The following DAB1 variants were observed in gnomAD, a reference collection of about 807,000 sequenced individuals.
The protein encoded by DAB1 is disabled homolog 1.
In DAB1, 15 loss-of-function variants were observed where a neutral mutation model predicts 64.6. The observed-to-expected ratio is 0.23, with a 90% CI of 0.16 to 0.36. DAB1 has a LOEUF of 0.36. Ranked by LOEUF, DAB1 falls within the 10% of genes least tolerant of loss-of-function variation. The probability of loss-of-function intolerance (pLI) is 1.00; values close to 1 mark genes in which losing one functional copy is unlikely to be tolerated. For missense variants in DAB1, 596 were observed against 706.7 expected (o/e 0.84, Z 1.78); for synonymous variants, 235 against 251.9 (o/e 0.93, Z 0.64).
intron 5 of DAB1, among the ~76,000 whole-genome samples, chr1:58,142,874 A>G (rs988699782): frequency 6.6e-6 from 1 of 152,166 alleles, no homozygotes; most frequent in African/African-American, 2.4e-5. Context: ...TCTGATTTTT[A>G]TAAGAATCAG....
chr1:58,148,519 T>A (rs555389129), intron 5 of DAB1, among the ~76,000 whole-genome samples: 1 of 152,330 alleles, frequency 6.6e-6, no homozygotes, highest in South Asian at 2.1e-4. Flanking sequence ...TTCCTTTCGA[T>A]CATTGTATTA....
At chr1:57,130,459 C>T (rs972605074) in intron 4 of DAB1, among the ~76,000 whole-genome samples, 1 of 152,074 alleles carries the variant, frequency 6.6e-6, no homozygotes, top group African/African-American at 2.4e-5. Context: ...ATCTGCACTC[C>T]CATGTTCACT....
chr1:57,332,782 T>A (rs571754073), intron 1 of DAB1, among the ~76,000 whole-genome samples: 1 of 152,324 alleles, frequency 6.6e-6, no homozygotes, highest in East Asian at 1.9e-4. Flanking sequence ...CAAGGTCACA[T>A]GGCCAATTTC....
intron 4 of DAB1, among the ~76,000 whole-genome samples, chr1:58,202,046 C>T (rs1016699274): frequency 2.0e-5 from 3 of 152,288 alleles, no homozygotes; most frequent in Admixed American, 6.5e-5. Context: ...ACAACAATCC[C>T]ACCCACCTCA....
intron 1 of DAB1, among the ~76,000 whole-genome samples, chr1:57,377,260 A>T (rs1680974441): frequency 7.0e-6 from 1 of 142,596 alleles, no homozygotes; most frequent in African/African-American, 2.6e-5. Context: ...ACAGAGTGAG[A>T]CTCCATCTTA....
chr1:58,038,605 A>G (rs1391338248), intron 5 of DAB1, among the ~76,000 whole-genome samples: 2 of 152,020 alleles, frequency 1.3e-5, no homozygotes, highest in East Asian at 3.9e-4. Flanking sequence ...AAAGCATGCA[A>G]CTGGCACTTA....
chr1:57,328,934 A>T (rs182551303), intron 1 of DAB1, among the ~76,000 whole-genome samples: 1 of 152,370 alleles, frequency 6.6e-6, no homozygotes, highest in East Asian at 1.9e-4. Context: ...TCGTAGTAGT[A>T]TTAATCTACA....
intron 1 of DAB1, chr1:57,386,997 G>A (rs1681924510): frequency 6.6e-6 from 1 of 152,030 alleles, no homozygotes; most frequent in African/African-American, 2.4e-5. Flanking sequence ...ACTCTCAGCA[G>A]TGGAATCAGC....
At chr1:57,128,480 C>T (rs1366288653) in intron 4 of DAB1, among the ~76,000 whole-genome samples, 1 of 152,160 alleles carries the variant, frequency 6.6e-6, no homozygotes, top group East Asian at 1.9e-4. Flanking sequence ...CATTTGTTTA[C>T]ATATCATGTG....
intron 1 of DAB1, among the ~76,000 whole-genome samples, chr1:57,295,258 C>G (rs1340163015): frequency 6.6e-6 from 1 of 152,124 alleles, no homozygotes; most frequent in Non-Finnish European, 1.5e-5. Flanking sequence ...CCCCTCCCAA[C>G]CTGATATGAG....
At chr1:57,223,406 T>C (rs559636036) in intron 2 of DAB1, among the ~76,000 whole-genome samples, 273 of 152,192 alleles carry the variant, frequency 1.8e-3, no homozygotes, top group Non-Finnish European at 3.0e-3. Context: ...AGTTCTAGAG[T>C]TGAAAACTTA....
intron 7 of DAB1, among the ~76,000 whole-genome samples, chr1:57,458,701 CAG>C (rs1686683843): frequency 6.6e-6 from 1 of 152,018 alleles, no homozygotes; most frequent in African/African-American, 2.4e-5. Flanking sequence ...AAATATCTAA[CAG>C]AGTTGGAATT....
intron 6 of DAB1, among the ~76,000 whole-genome samples, chr1:57,715,116 G>T (rs1647069605): frequency 6.6e-6 from 1 of 152,040 alleles, no homozygotes. Context: ...ATGCAAAGAT[G>T]GTTCAACATA....
downstream of DAB1, among the ~76,000 whole-genome samples, chr1:57,821,808 T>A (rs1652134712): frequency 6.6e-6 from 1 of 152,240 alleles, no homozygotes; most frequent in East Asian, 1.9e-4. Context: ...TTCTTCCATT[T>A]TTTTTAAGAG....
intron 1 of DAB1, among the ~76,000 whole-genome samples, chr1:57,863,479 C>T (rs1051778734): frequency 6.6e-6 from 1 of 152,138 alleles, no homozygotes; most frequent in Non-Finnish European, 1.5e-5. Context: ...GAAAAGTGAT[C>T]ATATAACAAG....
intron 2 of DAB1, among the ~76,000 whole-genome samples, chr1:58,507,050 G>A (rs1646000335): frequency 6.6e-6 from 1 of 151,968 alleles, no homozygotes; most frequent in Non-Finnish European, 1.5e-5. Flanking sequence ...GAATGTACCT[G>A]AGGTATCTGA....
intron 3 of DAB1, among the ~76,000 whole-genome samples, chr1:58,461,213 G>A (rs1394870224): frequency 6.6e-6 from 1 of 152,120 alleles, no homozygotes; most frequent in East Asian, 1.9e-4. Context: ...ACTTATGTAT[G>A]TTTTAGAAAT....
upstream of DAB1, among the ~76,000 whole-genome samples, chr1:57,427,631 G>A (rs1272491917): frequency 6.6e-6 from 1 of 152,184 alleles, no homozygotes; most frequent in East Asian, 1.9e-4. Context: ...TCCTACAATT[G>A]TTTCAATTAG....
chr1:57,574,285 G>A (rs1356896430), intron 7 of DAB1, among the ~76,000 whole-genome samples: 1 of 152,146 alleles, frequency 6.6e-6, no homozygotes, highest in Non-Finnish European at 1.5e-5. Flanking sequence ...GGATTTGTGG[G>A]AGGTACAGAG....
Sources: allele counts gnomAD v4.1 joint callset (sites outside exome capture counted in the v4.1 genomes callset), GRCh38; gene constraint gnomAD v4.1.1; transcripts MANE v1.5; gene names NCBI Gene and HGNC (gene_info 2026-07-23, HGNC 2026-07-21).